The following XPR1 variants were observed in gnomAD, a reference collection of about 807,000 sequenced individuals.
XPR1 encodes solute carrier family 53 member 1.
A neutral mutation model predicts 87.5 loss-of-function variants in XPR1; 28 were observed. The observed-to-expected ratio is 0.32, with a 90% CI of 0.24 to 0.44. The LOEUF (loss-of-function observed/expected upper bound fraction) is 0.44, where lower values mean the gene tolerates loss of function less well. Ranked by LOEUF, XPR1 falls within the 20% of genes least tolerant of loss-of-function variation. The pLI, the probability that XPR1 is intolerant of heterozygous loss-of-function variation, is 1.00. For missense variants in XPR1, 559 were observed against 862.3 expected, an observed-to-expected ratio of 0.65 and a Z score of 4.41; for synonymous variants, 300 against 306.1, an observed-to-expected ratio of 0.98 and a Z score of 0.21.
At chr1:180,738,075 G>A (rs1385518371) in intron 2 of XPR1, among the ~76,000 whole-genome samples, 2 of 152,046 alleles carry the variant, frequency 1.3e-5, no homozygotes, top group Non-Finnish European at 2.9e-5. Context: ...GCAGTGGCAC[G>A]ATCTTGGCTC....
intron 2 of XPR1, among the ~76,000 whole-genome samples, chr1:180,767,968 C>T (rs1310685593): frequency 6.6e-6 from 1 of 152,114 alleles, no homozygotes; most frequent in East Asian, 1.9e-4. Flanking sequence ...CCTCAGCCTC[C>T]CGAGTAGCTG....
At chr1:180,666,109 A>G (rs1380474596) in intron 1 of XPR1, among the ~76,000 whole-genome samples, 1 of 152,120 alleles carries the variant, frequency 6.6e-6, no homozygotes, top group East Asian at 1.9e-4. Flanking sequence ...AATTTATTTG[A>G]CCGTATATAG....
At chr1:180,723,426 G>A (rs2101999698) in intron 2 of XPR1, among the ~76,000 whole-genome samples, 1 of 152,172 alleles carries the variant, frequency 6.6e-6, no homozygotes, top group Non-Finnish European at 1.5e-5. Flanking sequence ...CCAAATCAAA[G>A]CATCAAATGA....
chr1:180,728,429 C>T (rs926859690), intron 2 of XPR1, among the ~76,000 whole-genome samples: 1 of 151,996 alleles, frequency 6.6e-6, no homozygotes, highest in South Asian at 2.1e-4. Context: ...GAGGAACTGC[C>T]GGAAACAAGA....
intron 1 of XPR1, among the ~76,000 whole-genome samples, chr1:180,640,253 A>T (rs1654922186): frequency 6.6e-6 from 1 of 152,224 alleles, no homozygotes; most frequent in Admixed American, 6.5e-5. Flanking sequence ...ATTGTAAATA[A>T]CAGCAGTGGT....
chr1:180,665,005 C>T (rs1240421494), intron 1 of XPR1, among the ~76,000 whole-genome samples: 2 of 152,188 alleles, frequency 1.3e-5, no homozygotes, highest in South Asian at 2.1e-4. Flanking sequence ...GCCCACCTCG[C>T]ACTTCCTATA....
chr1:180,789,335 A>G (rs749976846), intron 3 of XPR1, among the ~76,000 whole-genome samples: 23 of 152,266 alleles, frequency 1.5e-4, no homozygotes, highest in South Asian at 1.0e-3. Flanking sequence ...GTGGACAGTC[A>G]TTTTCAGTTA....
chr1:180,699,303 C>T (rs1400797535), intron 2 of XPR1, among the ~76,000 whole-genome samples: 4 of 121,954 alleles, frequency 3.3e-5, no homozygotes, highest in African/African-American at 6.3e-5. Context: ...CATGCTGGTG[C>T]GCTGCACCCA....
intron 2 of XPR1, among the ~76,000 whole-genome samples, chr1:180,752,176 G>A (rs1417745527): frequency 2.0e-5 from 3 of 152,140 alleles, no homozygotes; most frequent in Non-Finnish European, 4.4e-5. Flanking sequence ...GCTAACCATG[G>A]CTGGCAGAAG....
intron 11 of XPR1, among the ~76,000 whole-genome samples, chr1:180,862,645 T>G (rs1652261469): frequency 6.6e-6 from 1 of 152,144 alleles, no homozygotes; most frequent in African/African-American, 2.4e-5. Flanking sequence ...CTCTAGATTA[T>G]AAACTTCTAA....
rs79887987 is a variant in XPR1, at chr1:180,846,775, A to G, written c.1501+10059A>G. 3.2e-4 allele frequency among the ~76,000 whole-genome samples: 48 copies of G among 152,060 alleles called. 2 individuals carry two copies. In the East Asian group the frequency reaches 8.9e-3, roughly 28 times the overall value. On this transcript the variant is annotated intron_variant, in intron 11 of 14. Coordinates refer to ENST00000367590, the MANE Select transcript of XPR1 (RefSeq NM_004736.4). Reference sequence around the variant, plus strand: ...ACTTAATTTCATTGATACTTTGGATAGGTATAAGATACGGTTTTCATGAAA... The same window carrying G: ...ACTTAATTTCATTGATACTTTGGATGGGTATAAGATACGGTTTTCATGAAA...
chr1:180,823,686 T>C (rs1380814733), intron 7 of XPR1, among the ~76,000 whole-genome samples: 2 of 152,218 alleles, frequency 1.3e-5, no homozygotes, highest in Non-Finnish European at 2.9e-5. Context: ...AGAATAATGA[T>C]ATTGAACATT....
chr1:180,741,535 G>T (rs1175261823), intron 2 of XPR1, among the ~76,000 whole-genome samples: 1 of 151,822 alleles, frequency 6.6e-6, no homozygotes, highest in Non-Finnish European at 1.5e-5. Flanking sequence ...ACCCCGGCTG[G>T]GGTGCAGTGG....
chr1:180,862,522 C>A (rs1478229103), intron 11 of XPR1, among the ~76,000 whole-genome samples: 2 of 152,118 alleles, frequency 1.3e-5, no homozygotes, highest in Non-Finnish European at 2.9e-5. Context: ...GCTGCTTTCT[C>A]TTACTTCCTA....
intron 11 of XPR1, among the ~76,000 whole-genome samples, chr1:180,857,125 G>A (rs970612709): frequency 6.6e-6 from 1 of 151,970 alleles, no homozygotes; most frequent in African/African-American, 2.4e-5. Context: ...TTTGAATATG[G>A]TTACTAGAAA....
intron 2 of XPR1, among the ~76,000 whole-genome samples, chr1:180,684,991 T>C (rs2101948404): frequency 6.6e-6 from 1 of 152,220 alleles, no homozygotes; most frequent in African/African-American, 2.4e-5. Context: ...TTCTCCTGCC[T>C]GATTGCCCTG....
chr1:180,727,706 C>T (rs1237093065), intron 2 of XPR1, among the ~76,000 whole-genome samples: 2 of 152,166 alleles, frequency 1.3e-5, no homozygotes, highest in Non-Finnish European at 2.9e-5. Flanking sequence ...GGAATGGCTG[C>T]TCCATAGACA....
intron 3 of XPR1, among the ~76,000 whole-genome samples, chr1:180,792,739 A>C (rs1649431739): frequency 6.6e-6 from 1 of 152,104 alleles, no homozygotes; most frequent in African/African-American, 2.4e-5. Context: ...TAAAAATGGT[A>C]TCAATCATGA....
chr1:180,808,903 C>T (rs1399168747), intron 6 of XPR1, among the ~76,000 whole-genome samples: 1 of 152,122 alleles, frequency 6.6e-6, no homozygotes, highest in African/African-American at 2.4e-5. Context: ...TGTACACCTG[C>T]CATATGGTCT....
Sources: gnomAD v4.1 joint callset for allele counts (sites outside exome capture counted in the v4.1 genomes callset) on GRCh38, gnomAD v4.1.1 for gene constraint, MANE v1.5 for transcripts, NCBI Gene and HGNC (gene_info 2026-07-23, HGNC 2026-07-21) for gene names.